The following WAC variants were observed in gnomAD, a reference collection of about 807,000 sequenced individuals.
WAC encodes WW domain-containing adapter protein with coiled-coil.
In WAC, 11 loss-of-function variants were observed where a neutral mutation model predicts 79.6. That is an observed-to-expected ratio of 0.14 (90% confidence interval 0.09 to 0.23). WAC has a LOEUF of 0.23. Ranked by LOEUF, WAC falls within the 10% of genes least tolerant of loss-of-function variation. The pLI is 1.00. For synonymous variants in WAC, 304 were observed against 276.9 expected, an observed-to-expected ratio of 1.10 and a Z score of -0.97; for missense variants, 728 against 773.5, an observed-to-expected ratio of 0.94 and a Z score of 0.70.
chr10:28,535,275 C>T, intron 2 of WAC: 1 of 240,778 alleles, frequency 4.2e-6, no homozygotes, highest in Non-Finnish European at 7.9e-6. Context: ...TATTCTCAGC[C>T]AAATTTTTTT....
chr10:28,548,647 T>C (rs2132405476), intron 3 of WAC, among the ~76,000 whole-genome samples: 1 of 152,334 alleles, frequency 6.6e-6, no homozygotes, highest in Middle Eastern at 3.4e-3. Context: ...ATGTTAAATA[T>C]ATGTTTTTCT....
chr10:28,599,641 C>G (rs1840544379), intron 7 of WAC, among the ~76,000 whole-genome samples: 1 of 152,136 alleles, frequency 6.6e-6, no homozygotes, highest in Non-Finnish European at 1.5e-5. Flanking sequence ...TTAAAGCATA[C>G]CAGCAATGGA....
chr10:28,598,031 G>A (rs187413017), intron 7 of WAC, among the ~76,000 whole-genome samples: 5 of 152,246 alleles, frequency 3.3e-5, no homozygotes, highest in South Asian at 2.1e-4. Context: ...GCCTCCCAAC[G>A]TGCTGGGATT....
intron 3 of WAC, among the ~76,000 whole-genome samples, chr10:28,542,061 C>T (rs1004306684): frequency 2.0e-5 from 3 of 152,184 alleles, no homozygotes; most frequent in African/African-American, 4.8e-5. Flanking sequence ...CTTCTACTAT[C>T]TTCCCCTTGT....
chr10:28,563,105 ATG>A (rs1213403114), intron 3 of WAC, among the ~76,000 whole-genome samples: 2 of 152,188 alleles, frequency 1.3e-5, no homozygotes, highest in African/African-American at 4.8e-5. Flanking sequence ...GGGTTTCACC[ATG>A]TTGGCCAGGG....
At chr10:28,535,357 T>G in intron 2 of WAC, 1 of 435,816 alleles carries the variant, frequency 2.3e-6, no homozygotes, top group African/African-American at 2.1e-5. Flanking sequence ...TTTAGTGTGA[T>G]TTGTTATCAG....
At chr10:28,605,257 G>T (rs1454595276) in intron 7 of WAC, among the ~76,000 whole-genome samples, 1 of 152,128 alleles carries the variant, frequency 6.6e-6, no homozygotes, top group African/African-American at 2.4e-5. Context: ...AACCTTGGAG[G>T]TTCTCCAGTC....
At chr10:28,599,190 A>AT (rs1430600914) in intron 7 of WAC, among the ~76,000 whole-genome samples, 1 of 152,168 alleles carries the variant, frequency 6.6e-6, no homozygotes, top group Non-Finnish European at 1.5e-5. Context: ...AAAATTAGTG[A>AT]TTTTACTTGT....
chr10:28,546,960 A>C (rs1251578710), intron 3 of WAC, among the ~76,000 whole-genome samples: 2 of 151,074 alleles, frequency 1.3e-5, no homozygotes, highest in Non-Finnish European at 3.0e-5. Flanking sequence ...TTTTGTTTCT[A>C]ATTTTCTTGG....
At chr10:28,573,031 A>T (rs570427207) in intron 3 of WAC, among the ~76,000 whole-genome samples, 113 of 152,328 alleles carry the variant, frequency 7.4e-4, no homozygotes, top group Non-Finnish European at 1.2e-3. Context: ...AGTGAAGCCC[A>T]GATTGCCTGA....
intron 7 of WAC, among the ~76,000 whole-genome samples, chr10:28,607,538 A>C (rs1318370208): frequency 6.6e-6 from 1 of 152,160 alleles, no homozygotes; most frequent in Non-Finnish European, 1.5e-5. Flanking sequence ...GTTGTTTTTA[A>C]TATTAAAGTG....
chr10:28,616,565 T>G (rs1321970198), intron 12 of WAC, among the ~76,000 whole-genome samples: 2 of 152,266 alleles, frequency 1.3e-5, no homozygotes, highest in African/African-American at 2.4e-5. Flanking sequence ...TTATAGGCAC[T>G]GTTGTCAAGT....
chr10:28,573,811 C>G (rs955405607), intron 3 of WAC, among the ~76,000 whole-genome samples: 1 of 152,116 alleles, frequency 6.6e-6, no homozygotes, highest in Non-Finnish European at 1.5e-5. Flanking sequence ...TGTTCTAAAT[C>G]AACTTTAGAA....
intron 2 of WAC, 181 bp downstream of exon 2, chr10:28,534,215 T>A: frequency 5.8e-6 from 3 of 520,974 alleles, no homozygotes; most frequent in Non-Finnish European, 9.9e-6. Context: ...CAGCAAGGTT[T>A]AGTGACTTAT....
intron 7 of WAC, among the ~76,000 whole-genome samples, chr10:28,596,675 T>G (rs1352356690): frequency 6.6e-6 from 1 of 152,202 alleles, no homozygotes; most frequent in Non-Finnish European, 1.5e-5. Context: ...GTGATAAAAT[T>G]TGCATAGACC....
intron 3 of WAC, among the ~76,000 whole-genome samples, chr10:28,547,680 T>TC (rs1837429080): frequency 6.6e-6 from 1 of 152,156 alleles, no homozygotes; most frequent in Admixed American, 6.5e-5. Context: ...AATTTTTTTT[T>TC]CCCTGAAGAT....
intron 6 of WAC, among the ~76,000 whole-genome samples, chr10:28,593,740 AAAAT>A (rs1453520879): frequency 1.3e-5 from 2 of 152,112 alleles, no homozygotes; most frequent in African/African-American, 4.8e-5. Context: ...CAAAAAAAAA[AAAAT>A]AAAATATTTT....
chr10:28,596,308 T>C (rs1701767652), intron 7 of WAC, among the ~76,000 whole-genome samples: 1 of 152,212 alleles, frequency 6.6e-6, no homozygotes, highest in Admixed American at 6.5e-5. Flanking sequence ...AAGTAATTTG[T>C]TAAAGTCAAG....
At chr10:28,540,126 C>T (rs374547695) in intron 3 of WAC, among the ~76,000 whole-genome samples, 1 of 152,112 alleles carries the variant, frequency 6.6e-6, no homozygotes, top group African/African-American at 2.4e-5. Flanking sequence ...TTACAAATTA[C>T]TAACATTAGA....
Sources: allele counts gnomAD v4.1 joint callset (sites outside exome capture counted in the v4.1 genomes callset), GRCh38; gene constraint gnomAD v4.1.1; transcripts MANE v1.5; gene names NCBI Gene and HGNC (gene_info 2026-07-23, HGNC 2026-07-21).